Variants in NTM observed in about 807,000 individuals in gnomAD.
The protein encoded by NTM is neurotrimin.
NTM carries 13 observed loss-of-function variants against 42.1 expected under a neutral mutation model. The observed-to-expected ratio is 0.31, with a 90% CI of 0.20 to 0.49. The LOEUF (loss-of-function observed/expected upper bound fraction) is 0.49, where lower values mean the gene tolerates loss of function less well. Among genes scored for constraint, NTM ranks in the 20% least tolerant of loss-of-function variants. The pLI, the probability that NTM is intolerant of heterozygous loss-of-function variation, is 0.99. For synonymous variants in NTM, 187 were observed against 179.2 expected (o/e 1.04, Z -0.35); for missense variants, 373 against 452.8 (o/e 0.82, Z 1.60).
At chr11:132,076,103 G>C (rs1720100292) in intron 2 of NTM, among the ~76,000 whole-genome samples, 1 of 152,160 alleles carries the variant, frequency 6.6e-6, no homozygotes, top group Non-Finnish European at 1.5e-5. Context: ...TGAAATAGCT[G>C]TCTTCCAACT....
chr11:131,765,264 G>A (rs763812734), intron 1 of NTM, among the ~76,000 whole-genome samples: 4 of 152,062 alleles, frequency 2.6e-5, no homozygotes, highest in African/African-American at 4.8e-5. Context: ...ATGGCTTTCC[G>A]TTGCTCTGAA....
chr11:131,471,861 T>TGG (rs1290363060), intron 1 of NTM, among the ~76,000 whole-genome samples: 5 of 152,174 alleles, frequency 3.3e-5, no homozygotes, highest in South Asian at 2.1e-4. Flanking sequence ...CCCTGAGTGT[T>TGG]CTGTGGAGTC....
intron 2 of NTM, among the ~76,000 whole-genome samples, chr11:131,972,350 G>GTA (rs1304592111): frequency 4.0e-5 from 6 of 151,792 alleles, no homozygotes; most frequent in East Asian, 1.9e-4. Flanking sequence ...ACACATACAT[G>GTA]TATATATATA....
chr11:131,641,818 C>T (rs1279606416), intron 1 of NTM, among the ~76,000 whole-genome samples: 2 of 151,746 alleles, frequency 1.3e-5, no homozygotes, highest in African/African-American at 4.8e-5. Flanking sequence ...CCTCCAACTC[C>T]CGGGTTCAAG....
intron 1 of NTM, among the ~76,000 whole-genome samples, chr11:131,675,014 CTCTTT>C (rs1303720180): frequency 6.6e-6 from 1 of 152,232 alleles, no homozygotes; most frequent in Non-Finnish European, 1.5e-5. Flanking sequence ...TATTTGAAGA[CTCTTT>C]TCTTTTCAAA....
intron 2 of NTM, among the ~76,000 whole-genome samples, chr11:132,099,831 T>C (rs2061430030): frequency 6.6e-6 from 1 of 152,190 alleles, no homozygotes; most frequent in Admixed American, 6.5e-5. Context: ...ACTGGTGGTT[T>C]GAACGCCTCA....
rs576742863 is a variant in NTM at position 131,849,832 on chromosome 11, G to A, written c.83-61732G>A. Among the ~76,000 whole-genome samples, 59 of 132,070 alleles carry A rather than the reference G, an allele frequency of 4.5e-4. 1 individual carries two copies. Among genetic ancestry groups the A allele is most frequent in the African/African-American group, 1.4e-3 (48 of 35,342 alleles). The allele number at this position is 132,070 out of a possible 152,430, so 86.6% of individuals were successfully genotyped here. On this transcript the variant is annotated intron_variant, in intron 1 of 8. Coordinates refer to ENST00000683400, the MANE Select transcript of NTM (RefSeq NM_001352005.2). ...ACCGGGGACTGTTGTGGGGTGGGGG[G>A]CGGGGGGAGGGATAGCATTAGGAGA...
chr11:132,211,949 C>A, intron 3 of NTM, 73 bp from the exon 4 acceptor site: 4 of 1,511,174 alleles, frequency 2.6e-6, no homozygotes, highest in East Asian at 2.3e-5. Context: ...GACTGTTCTG[C>A]CAACTACCAT....
At chr11:132,208,493 G>T (rs1052581382) in intron 3 of NTM, among the ~76,000 whole-genome samples, 4 of 152,166 alleles carry the variant, frequency 2.6e-5, no homozygotes, top group African/African-American at 7.2e-5. Context: ...TCATGAGTTG[G>T]ATATTTTCCA....
At chr11:132,132,623 G>A (rs1488216134) in intron 2 of NTM, among the ~76,000 whole-genome samples, 2 of 152,100 alleles carry the variant, frequency 1.3e-5, no homozygotes, top group South Asian at 2.1e-4. Context: ...ATGCTCCTGC[G>A]GAGTCCTTGA....
chr11:131,891,678 G>A (rs1273169634), intron 1 of NTM, among the ~76,000 whole-genome samples: 1 of 152,144 alleles, frequency 6.6e-6, no homozygotes, highest in African/African-American at 2.4e-5. Flanking sequence ...ACTGGTCCTT[G>A]AGCCTGGCAG....
intron 2 of NTM, among the ~76,000 whole-genome samples, chr11:132,109,174 T>C (rs1387578060): frequency 7.6e-6 from 1 of 131,924 alleles, no homozygotes; most frequent in Non-Finnish European, 1.6e-5. Context: ...TACGTGTGCA[T>C]GTGTCTTTAT....
intron 1 of NTM, among the ~76,000 whole-genome samples, chr11:131,588,693 A>T (rs758266579): frequency 4.6e-5 from 7 of 152,216 alleles, no homozygotes; most frequent in African/African-American, 7.2e-5. Context: ...CAAATTTTTA[A>T]CACTTGTAAT....
At chr11:131,874,040 T>TA (rs1191686994) in intron 1 of NTM, among the ~76,000 whole-genome samples, 25 of 34,088 alleles carry the variant, frequency 7.3e-4, no homozygotes, top group African/African-American at 6.2e-3. Context: ...AATATATATA[T>TA]ATATATATAT....
chr11:131,471,541 AG>A (rs1227749609), intron 1 of NTM, among the ~76,000 whole-genome samples: 1 of 152,228 alleles, frequency 6.6e-6, no homozygotes, highest in Non-Finnish European at 1.5e-5. Flanking sequence ...GCTGCCTGAG[AG>A]GCAGGGTGGC....
chr11:132,101,868 GTAAAATA>G (rs772154302), intron 2 of NTM, among the ~76,000 whole-genome samples: 38 of 152,244 alleles, frequency 2.5e-4, no homozygotes, highest in Non-Finnish European at 4.3e-4. Flanking sequence ...GCAGGTTTTT[GTAAAATA>G]TAAACTATTA....
intron 4 of NTM, among the ~76,000 whole-genome samples, chr11:132,245,155 G>C (rs1302540867): frequency 6.6e-6 from 1 of 152,226 alleles, no homozygotes; most frequent in Non-Finnish European, 1.5e-5. Context: ...AGAGGACAGA[G>C]GTTTGCCGGG....
At chr11:132,329,106 T>TTCA (rs759482896) in intron 7 of NTM, among the ~76,000 whole-genome samples, 3 of 152,216 alleles carry the variant, frequency 2.0e-5, no homozygotes, top group Non-Finnish European at 4.4e-5. Flanking sequence ...CAAGTACGTA[T>TTCA]TCATCTGACT....
At chr11:131,530,944 G>T (rs958187675) in intron 1 of NTM, among the ~76,000 whole-genome samples, 1 of 152,212 alleles carries the variant, frequency 6.6e-6, no homozygotes, top group Non-Finnish European at 1.5e-5. Flanking sequence ...GGGAGGTAGG[G>T]ATGACCAGTG....
Sources: gnomAD v4.1 joint callset for allele counts (sites outside exome capture counted in the v4.1 genomes callset) on GRCh38, gnomAD v4.1.1 for gene constraint, MANE v1.5 for transcripts, NCBI Gene and HGNC (gene_info 2026-07-23, HGNC 2026-07-21) for gene names.